IFT74: variants seen among roughly 807,000 people sequenced by gnomAD.
The protein encoded by IFT74 is intraflagellar transport protein 74 homolog.
Under a neutral mutation model 96.7 loss-of-function variants are expected in IFT74, and 92 were observed. The ratio of observed to expected loss-of-function variants is 0.95; its 90% CI spans 0.80 to 1.13. The LOEUF (loss-of-function observed/expected upper bound fraction) is 1.13, where lower values mean the gene tolerates loss of function less well. Among genes scored for constraint, IFT74 ranks in the 50% most tolerant of loss-of-function variants. The pLI, the probability that IFT74 is intolerant of heterozygous loss-of-function variation, is 0.00. For synonymous variants in IFT74, 223 were observed against 213.2 expected, an observed-to-expected ratio of 1.05 and a Z score of -0.40; for missense variants, 811 against 698.2, an observed-to-expected ratio of 1.16 and a Z score of -1.82.
chr9:27,003,524 GA>G (rs140126398), intron 8 of IFT74, among the ~76,000 whole-genome samples: 12 of 146,370 alleles, frequency 8.2e-5, no homozygotes, highest in South Asian at 4.3e-4. Flanking sequence ...CTCTGTCTCA[GA>G]AAAAAAAAAG....
intron 1 of IFT74, among the ~76,000 whole-genome samples, chr9:26,961,461 T>C (rs1034643482): frequency 6.6e-6 from 1 of 152,126 alleles, no homozygotes; most frequent in African/African-American, 2.4e-5. Context: ...AAGTGCCACC[T>C]CCTTTTCTTT....
chr9:27,009,524 C>T (rs1828946763), intron 9 of IFT74, among the ~76,000 whole-genome samples: 1 of 152,010 alleles, frequency 6.6e-6, no homozygotes, highest in African/African-American at 2.4e-5. Flanking sequence ...GATAAAAATA[C>T]TTGTCTGTAA....
intron 12 of IFT74, among the ~76,000 whole-genome samples, chr9:27,026,769 A>G (rs1829879721): frequency 6.6e-6 from 1 of 152,196 alleles, no homozygotes; most frequent in Non-Finnish European, 1.5e-5. Flanking sequence ...AAATTCTTTG[A>G]ACTGAACAAT....
Position 27,055,725 on chromosome 9 carries a change from TATA to T in IFT74, c.1453_1455del (p.Asn485del), listed in dbSNP as rs762663257. 5 of 1,575,206 alleles carry T rather than the reference TATA, an allele frequency of 3.2e-6. No individual in the cohort carries two copies. Among genetic ancestry groups the T allele is most frequent in the Non-Finnish European group, 4.3e-6 (5 of 1,165,554 alleles). On this transcript the variant is annotated inframe_deletion, in exon 17 of 20. Transcript: ENST00000380062. ...GCAAATGACAACTGATCTGGAGATA[TATA>T]ATGATTTGCCAGCTTTAAAATCATC...
intron 14 of IFT74, among the ~76,000 whole-genome samples, chr9:27,046,948 G>A (rs895426560): frequency 2.0e-5 from 3 of 152,168 alleles, no homozygotes; most frequent in African/African-American, 7.2e-5. Flanking sequence ...GCCGAGGCGG[G>A]TGGATCACGT....
intron 1 of IFT74, among the ~76,000 whole-genome samples, chr9:26,949,007 G>A (rs2131449858): frequency 1.3e-5 from 2 of 151,692 alleles, no homozygotes; most frequent in East Asian, 3.9e-4. Context: ...TTTATCTTCT[G>A]TTTTTTTCTA....
At chr9:27,004,092 C>A (rs1336812886) in intron 8 of IFT74, among the ~76,000 whole-genome samples, 2 of 151,830 alleles carry the variant, frequency 1.3e-5, no homozygotes, top group East Asian at 1.9e-4. Flanking sequence ...AGAAAATGAA[C>A]TAGATTTAAG....
chr9:26,988,768 A>G (rs1827745087), intron 7 of IFT74, 40 bp downstream of exon 7: 1 of 1,442,608 alleles, frequency 6.9e-7, no homozygotes, highest in Non-Finnish European at 9.4e-7. Flanking sequence ...TATGTAAGTC[A>G]TATCCTACAA....
chr9:27,006,431 C>T (rs1156898364), intron 8 of IFT74, among the ~76,000 whole-genome samples: 1 of 152,026 alleles, frequency 6.6e-6, no homozygotes, highest in Non-Finnish European at 1.5e-5. Context: ...GACCTTGTCT[C>T]TACTCAAAAT....
chr9:26,983,507 G>A (rs777280246), intron 4 of IFT74, among the ~76,000 whole-genome samples: 25 of 152,198 alleles, frequency 1.6e-4, no homozygotes, highest in South Asian at 4.1e-4. Flanking sequence ...CCAGGATGCT[G>A]GTAAACATCC....
intron 4 of IFT74, chr9:26,982,519 T>G: frequency 3.4e-6 from 1 of 296,862 alleles, no homozygotes; most frequent in Non-Finnish European, 6.6e-6. Flanking sequence ...TGCAATGGCC[T>G]GATCTCTGGC....
intron 10 of IFT74, among the ~76,000 whole-genome samples, chr9:27,016,454 C>G (rs1453246611): frequency 6.6e-6 from 1 of 152,186 alleles, no homozygotes; most frequent in Non-Finnish European, 1.5e-5. Context: ...AAGACTCCAG[C>G]TTACCTTTTT....
chr9:27,060,803 C>A, intron 19 of IFT74, 152 bp downstream of exon 19: 6 of 461,194 alleles, frequency 1.3e-5, no homozygotes, highest in Non-Finnish European at 2.4e-5. Flanking sequence ...CTAAAAAATA[C>A]AAAAAAAACA....
chr9:26,950,661 A>C (rs1319674851), intron 1 of IFT74, among the ~76,000 whole-genome samples: 1 of 152,236 alleles, frequency 6.6e-6, no homozygotes, highest in East Asian at 1.9e-4. Flanking sequence ...ATAATTCTGC[A>C]AAGGTAGTTT....
At chr9:26,995,340 T>G in intron 8 of IFT74, 1 of 520,360 alleles carries the variant, frequency 1.9e-6, no homozygotes, top group Non-Finnish European at 3.5e-6. Flanking sequence ...GGAGTGTCAG[T>G]TACTGTATTT....
chr9:26,955,459 T>C (rs1253456022), upstream of IFT74, among the ~76,000 whole-genome samples: 1 of 152,138 alleles, frequency 6.6e-6, no homozygotes, highest in Non-Finnish European at 1.5e-5. Flanking sequence ...CATGTCCCAG[T>C]AATAAGGAAG....
chr9:26,947,698 A>C (rs1297812503), intron 1 of IFT74, among the ~76,000 whole-genome samples: 2 of 152,216 alleles, frequency 1.3e-5, no homozygotes, highest in African/African-American at 4.8e-5. Flanking sequence ...AGAAAGCTTG[A>C]GGCCAAATTG....
At chr9:26,974,691 T>A (rs951440379) in intron 2 of IFT74, among the ~76,000 whole-genome samples, 1 of 152,160 alleles carries the variant, frequency 6.6e-6, no homozygotes, top group African/African-American at 2.4e-5. Flanking sequence ...ATAGCAGCCC[T>A]ACGGTTATGC....
chr9:26,997,664 G>T, intron 8 of IFT74: 1 of 1,498,356 alleles, frequency 6.7e-7, no homozygotes, highest in Non-Finnish European at 8.9e-7. Flanking sequence ...TGATATGAGA[G>T]ATTTTTCTGT....
Sources: allele counts gnomAD v4.1 joint callset (sites outside exome capture counted in the v4.1 genomes callset), GRCh38; gene constraint gnomAD v4.1.1; transcripts MANE v1.5; gene names NCBI Gene and HGNC (gene_info 2026-07-23, HGNC 2026-07-21).